The following OXNAD1 variants were observed in gnomAD, a reference collection of about 807,000 sequenced individuals.
The protein encoded by OXNAD1 is oxidoreductase NAD binding domain containing 1.
OXNAD1 carries 34 observed loss-of-function variants against 32.9 expected under a neutral mutation model. The observed-to-expected ratio is 1.03, with a 90% CI of 0.79 to 1.38. The LOEUF is 1.38. Ranked by LOEUF, OXNAD1 falls within the 40% of genes most tolerant of loss-of-function variation. The pLI is 0.00. For synonymous variants in OXNAD1, 134 were observed against 135.2 expected, an observed-to-expected ratio of 0.99 and a Z score of 0.06; for missense variants, 407 against 379.4, an observed-to-expected ratio of 1.07 and a Z score of -0.60.
chr3:16,308,115 A>C (rs1048156112), downstream of OXNAD1, among the ~76,000 whole-genome samples: 2 of 152,334 alleles, frequency 1.3e-5, no homozygotes, highest in Non-Finnish European at 2.9e-5. This position sits in a 1 kb window ranked among gnomAD's most constrained non-coding sequence, Gnocchi z 4.4. Context: ...CAAGTTAAAT[A>C]CTTTGGGAAA....
At chr3:16,330,677 C>G (rs58824769) in intron 9 of OXNAD1, among the ~76,000 whole-genome samples, 18,081 of 152,190 alleles carry the variant, frequency 0.12, 1,505 homozygotes, top group African/African-American at 0.24. Flanking sequence ...TTTTTCAACT[C>G]GTATAAAAGG....
At chr3:16,351,749 A>G (rs1284043494), downstream of OXNAD1, among the ~76,000 whole-genome samples, 8 of 152,224 alleles carry the variant, frequency 5.3e-5, no homozygotes, top group African/African-American at 7.2e-5. This position sits in a 1 kb window ranked among gnomAD's most constrained non-coding sequence, Gnocchi z 5.4. Context: ...CATATAAACT[A>G]TAAGTGCAAA....
chr3:16,267,166 G>C (rs2064582138), intron 1 of OXNAD1, among the ~76,000 whole-genome samples: 1 of 151,964 alleles, frequency 6.6e-6, no homozygotes, highest in African/African-American at 2.4e-5. Flanking sequence ...AGCAAGTTTT[G>C]GGGCTCTAAT....
chr3:16,282,820 CTTT>C (rs11379565), intron 4 of OXNAD1, among the ~76,000 whole-genome samples: 1 of 72,014 alleles, frequency 1.4e-5, no homozygotes, highest in Non-Finnish European at 2.5e-5. Context: ...GGACTTTCAG[CTTT>C]TTTTTTTTTT....
intron 5 of OXNAD1, among the ~76,000 whole-genome samples, chr3:16,291,763 G>A (rs1039953149): frequency 1.3e-5 from 2 of 152,206 alleles, no homozygotes; most frequent in African/African-American, 4.8e-5. Flanking sequence ...ACCTAGGCAT[G>A]GAATTGTTGG....
chr3:16,267,336 A>G (rs1338360863), intron 1 of OXNAD1, among the ~76,000 whole-genome samples: 2 of 152,176 alleles, frequency 1.3e-5, no homozygotes, highest in African/African-American at 4.8e-5. Context: ...CTTTAAAAAT[A>G]TAAATTAGGT....
intron 5 of OXNAD1, among the ~76,000 whole-genome samples, chr3:16,292,770 G>A (rs1035165946): frequency 5.3e-5 from 8 of 152,172 alleles, no homozygotes; most frequent in Non-Finnish European, 1.0e-4. Flanking sequence ...TGCCACTGTT[G>A]AGTAGACTGT....
rs750491540 is a variant in OXNAD1, at chr3:16,313,205, A to ATTTTTTTTTTTTTTTTTTTT, written c.*30+9631_*30+9632insTTTTTTTTTTTTTTTTTTTT. Among the ~76,000 whole-genome samples, 344 of 103,738 alleles carry ATTTTTTTTTTTTTTTTTTTT rather than the reference A, an allele frequency of 3.3e-3. 21 individuals are homozygous for ATTTTTTTTTTTTTTTTTTTT. Among genetic ancestry groups the ATTTTTTTTTTTTTTTTTTTT allele is most frequent in the Middle Eastern group, 0.011 (2 of 182 alleles). The allele number at this position is 103,738 out of a possible 152,430, so 68.1% of individuals were successfully genotyped here. On this transcript the variant is annotated intron_variant, in intron 9 of 9. Transcript: ENST00000435829. ...GTACATGTACCACCACACCCAGCGG[A>ATTTTTTTTTTTTTTTTTTTT]TTTTTTTTTTTTTTTTTTGCAGAGG... is the stretch of plus-strand genomic sequence containing the variant.
In OXNAD1 at chr3:16,314,190, T is replaced by G. The variant is rs893009456; in HGVS notation, c.*30+10598T>G. ...TTCCTCATGCCAAACCCTGTATGTC[T>G]TTGTGGCTTTTACTGTCCGTGGGAC... On this transcript the variant is annotated intron_variant, in intron 9 of 9. Transcript: ENST00000435829. This position sits in a 1 kb window ranked among gnomAD's most constrained non-coding sequence, Gnocchi z 4.4. Among the ~76,000 whole-genome samples, 3 of 152,046 alleles carry G rather than the reference T, an allele frequency of 2.0e-5. No individual in the cohort carries two copies. Among genetic ancestry groups the G allele is most frequent in the African/African-American group, 7.2e-5 (3 of 41,400 alleles).
Position 16,302,542 on chromosome 3 carries a change from G to T in OXNAD1, c.676-98G>T. On this transcript the variant is annotated intron_variant, in intron 7 of 8. Transcript: ENST00000285083. This position sits in a 1 kb window ranked among gnomAD's most constrained non-coding sequence, Gnocchi z 4.2. ...TAAGTAGAGAGCGAGAGCGGCAGAC[G>T]TGTGCAGAATGGGAGTTGAGGTTCA... 1.3e-6 allele frequency: 1 copy of T among 766,336 alleles called. No homozygotes were observed. The highest frequency in any genetic ancestry group is 2.2e-5 in the Admixed American group (1 of 45,270). 47.5% of individuals were successfully genotyped at this position (766,336 alleles called of 1,614,324 possible).
Position 16,287,163 on chromosome 3 carries a change from T to C in OXNAD1, c.290+715T>C, listed in dbSNP as rs1283797591. 6.6e-6 allele frequency among the ~76,000 whole-genome samples: 1 copy of C among 152,216 alleles called. No homozygotes were observed. The highest frequency in any genetic ancestry group is 2.4e-5 in the African/African-American group (1 of 41,456). On this transcript the variant is annotated intron_variant, in intron 5 of 8. Transcript: ENST00000285083. The surrounding 1 kb of genome is among the most constrained non-coding windows in gnomAD (Gnocchi z 4.8). ...GTAAGGAAAGCAACTTGAATTTCCC[T>C]AGGAAAGGTGTGTTTGGGTGTGTGT...
chr3:16,285,861 A>G (rs2066038404), intron 4 of OXNAD1, among the ~76,000 whole-genome samples: 1 of 152,244 alleles, frequency 6.6e-6, no homozygotes, highest in African/African-American at 2.4e-5. Context: ...AAAAGTTTCT[A>G]AGTGCCTGCT....
chr3:16,300,702 A>G (rs2067118760), intron 6 of OXNAD1, among the ~76,000 whole-genome samples: 1 of 152,210 alleles, frequency 6.6e-6, no homozygotes, highest in African/African-American at 2.4e-5. Context: ...TCTGTGCTGT[A>G]AGTACTCCTA....
Position 16,316,825 on chromosome 3 carries a change from G to A in OXNAD1, c.*30+13233G>A, listed in dbSNP as rs1302332135. ...CCTAGTTTTAGCACAAATTGCCCAA[G>A]ACTCAGTTTTCTTCAACCGTACCAA... On this transcript the variant is annotated intron_variant, in intron 9 of 9. Coordinates refer to the OXNAD1 transcript ENST00000435829. This position sits in a 1 kb window ranked among gnomAD's most constrained non-coding sequence, Gnocchi z 4.5. 1.2e-6 allele frequency: 2 copies of A among 1,613,536 alleles called. No individual in the cohort carries two copies. The highest frequency in any genetic ancestry group is 2.2e-5 in the East Asian group (1 of 44,888).
Position 16,304,269 on chromosome 3 carries a change from A to C in OXNAD1, c.*707A>C, listed in dbSNP as rs1457939487. On this transcript the variant is annotated 3_prime_UTR_variant, in exon 9 of 9. Coordinates refer to ENST00000285083, the MANE Select transcript of OXNAD1 (RefSeq NM_138381.5). This position sits in a 1 kb window ranked among gnomAD's most constrained non-coding sequence, Gnocchi z 4.6. ...TAGGAGGCAGCTTCTTGCTTGGGAC[A>C]AAGGCATTGGTGATGTGTTCCATGT... 2.0e-5 allele frequency: 3 copies of C among 152,308 alleles called. No individual in the cohort carries two copies. Among genetic ancestry groups the C allele is most frequent in the African/African-American group, 7.2e-5 (3 of 41,466 alleles). The allele number at this position is 152,308 out of a possible 1,614,324, so 9.4% of individuals were successfully genotyped here.
Position 16,316,274 on chromosome 3 carries a change from TG to T in OXNAD1, c.*30+12685del, listed in dbSNP as rs1475394692. 1 of 160,410 alleles carries T rather than the reference TG, an allele frequency of 6.2e-6. No individual in the cohort carries two copies. The highest frequency in any genetic ancestry group is 2.4e-5 in the African/African-American group (1 of 41,524). The allele number at this position is 160,410 out of a possible 1,614,324, so 9.9% of individuals were successfully genotyped here. On this transcript the variant is annotated intron_variant, in intron 9 of 9. Coordinates refer to the OXNAD1 transcript ENST00000435829. This position sits in a 1 kb window ranked among gnomAD's most constrained non-coding sequence, Gnocchi z 4.5. Reference sequence around the variant, plus strand: ...TCTATAGGACTATTTTGAGAAAAGCTGGGAGGCGGAGCACCTCCCCTCCCCA... The same window carrying T: ...TCTATAGGACTATTTTGAGAAAAGCTGGAGGCGGAGCACCTCCCCTCCCCA...
At position 16,304,619 on chromosome 3, in the gene OXNAD1, C is replaced by T. The variant is rs1246564530; in HGVS notation, c.*1057C>T. ...GTTCTTTGTTTAGATTTTTAAAAAT[C>T]CAAAAGAAGTCCTGACTGAGGCCAG... is the stretch of plus-strand genomic sequence containing the variant. On this transcript the variant is annotated 3_prime_UTR_variant, in exon 9 of 9. Coordinates refer to ENST00000285083, the MANE Select transcript of OXNAD1 (RefSeq NM_138381.5). This position sits in a 1 kb window ranked among gnomAD's most constrained non-coding sequence, Gnocchi z 4.6. 2.0e-5 allele frequency: 3 copies of T among 152,180 alleles called. No individual in the cohort carries two copies. In the East Asian group the frequency reaches 5.8e-4, roughly 29 times the overall value. 9.4% of individuals were successfully genotyped at this position (152,180 alleles called of 1,614,324 possible).
chr3:16,269,188 A>T lies in OXNAD1; in HGVS notation c.-96A>T. On this transcript the variant is annotated 5_prime_UTR_variant, in exon 2 of 9. An upstream open reading frame in the 5' UTR gains an earlier in-frame stop. Transcript: ENST00000285083. Reference sequence around the variant, plus strand: ...CATGTTCCAACTGCTGTACATCCAAAAGTCTCAGTGTAATAGCAGGACCAA... The same window carrying T: ...CATGTTCCAACTGCTGTACATCCAATAGTCTCAGTGTAATAGCAGGACCAA... 1 of 1,525,584 alleles carries T rather than the reference A, an allele frequency of 6.6e-7. No homozygotes were observed. 94.5% of individuals were successfully genotyped at this position (1,525,584 alleles called of 1,614,324 possible). A position where few individuals can be genotyped will look rare whatever the true frequency, so the allele number is the denominator to read the frequency against.
chr3:16,313,205 A>ATTTTTTTTTTTTTTTTTTTTTTTTT (rs750491540), intron 9 of OXNAD1, among the ~76,000 whole-genome samples: 9 of 103,808 alleles, frequency 8.7e-5, no homozygotes, highest in East Asian at 2.6e-4. Context: ...CACCCAGCGG[A>ATTTTTTTTTTTTTTTTTTTTTTTTT]TTTTTTTTTT....
Sources: gnomAD v4.1 joint callset for allele counts (sites outside exome capture counted in the v4.1 genomes callset) on GRCh38, gnomAD v4.1.1 for gene constraint, Gnocchi (gnomAD v3.1) non-coding constraint, MANE v1.5 for transcripts, NCBI Gene and HGNC (gene_info 2026-07-23, HGNC 2026-07-21) for gene names.